Variants in DCHS2 observed in about 807,000 individuals in gnomAD.
The protein encoded by DCHS2 is dachsous cadherin-related 2.
DCHS2 carries 142 observed loss-of-function variants against 182.4 expected under a neutral mutation model. That is an observed-to-expected ratio of 0.78 (90% CI 0.68 to 0.89). The LOEUF is 0.89. Among genes scored for constraint, DCHS2 ranks in the 40% least tolerant of loss-of-function variants. The probability of loss-of-function intolerance (pLI) is 0.00; values close to 1 mark genes in which losing one functional copy is unlikely to be tolerated. For synonymous variants in DCHS2, 1,740 were observed against 1,663.3 expected (o/e 1.05, Z -1.12); for missense variants, 4,319 against 4,198.6 (o/e 1.03, Z -0.79).
chr4:154,386,832 G>A (rs572443297), intron 1 of DCHS2, among the ~76,000 whole-genome samples: 1 of 152,142 alleles, frequency 6.6e-6, no homozygotes, highest in Non-Finnish European at 1.5e-5. Context: ...GAACAAGATG[G>A]TTCGTGACAC....
At chr4:154,415,685 G>C (rs1173658618) in intron 1 of DCHS2, among the ~76,000 whole-genome samples, 1 of 152,136 alleles carries the variant, frequency 6.6e-6, no homozygotes, top group African/African-American at 2.4e-5. Context: ...GGTCCCGAGC[G>C]TCAGTAAGAT....
At position 154,343,699 on chromosome 4, in the gene DCHS2, G is replaced by T. The variant is rs868270250; in HGVS notation, c.2477-8595C>A. ...CTCTGGATTAGGCTTTGGCTTAAGG[G>T]AATGATGTGGCTGCTTTGATCTATC... On this transcript the variant is annotated intron_variant, in intron 3 of 19. Coordinates refer to ENST00000357232, the MANE Select transcript of DCHS2 (RefSeq NM_001358235.2). 4.4e-5 allele frequency: 58 copies of T among 1,330,476 alleles called. 6 individuals carry two copies. The Middle Eastern group carries it at 7.9e-3, about 181-fold the overall frequency. The allele number at this position is 1,330,476 out of a possible 1,614,324, so 82.4% of individuals were successfully genotyped here.
chr4:154,400,767 T>C (rs1181028996), intron 1 of DCHS2, among the ~76,000 whole-genome samples: 1 of 152,194 alleles, frequency 6.6e-6, no homozygotes, highest in Non-Finnish European at 1.5e-5. Flanking sequence ...CTCTCTCATG[T>C]AACGTTGCAC....
At chr4:154,275,499 T>C in intron 13 of DCHS2, among the ~76,000 whole-genome samples, 1 of 152,158 alleles carries the variant, frequency 6.6e-6, no homozygotes, top group East Asian at 1.9e-4. Flanking sequence ...TATAATCTGA[T>C]GCTTATTTTA....
chr4:154,373,993 T>G, intron 2 of DCHS2: 1 of 1,328,994 alleles, frequency 7.5e-7, no homozygotes, highest in Non-Finnish European at 1.0e-6. Context: ...GAGGTGGATA[T>G]TTTAATAGCA....
In DCHS2 at chr4:154,341,318, G is replaced by A. The variant is rs905064881; in HGVS notation, c.2477-6214C>T. 2.5e-4 allele frequency among the ~76,000 whole-genome samples: 37 copies of A among 147,530 alleles called. 1 individual carries two copies. Among genetic ancestry groups the A allele is most frequent in the African/African-American group, 7.6e-4 (30 of 39,726 alleles). On this transcript the variant is annotated intron_variant, in intron 3 of 19. Coordinates refer to ENST00000357232, the MANE Select transcript of DCHS2 (RefSeq NM_001358235.2). ...CGGGAAGTGGAGGCTGCAGTGAGCC[G>A]AGACCGCGCCACTGCACTCCAGCCT...
At chr4:154,328,947 G>A (rs1736402000) in intron 6 of DCHS2, among the ~76,000 whole-genome samples, 1 of 151,894 alleles carries the variant, frequency 6.6e-6, no homozygotes, top group Non-Finnish European at 1.5e-5. Context: ...TTATTAGTAG[G>A]TCCAAACATA....
rs1731214486 is a variant in DCHS2 at position 154,231,752 on chromosome 4, G to A, written c.*2784C>T. 6.6e-6 allele frequency: 1 copy of A among 152,104 alleles called. No homozygotes were observed. Among genetic ancestry groups the A allele is most frequent in the African/African-American group, 2.4e-5 (1 of 41,426 alleles). The allele number at this position is 152,104 out of a possible 1,614,324, so 9.4% of individuals were successfully genotyped here. A position where few individuals can be genotyped will look rare whatever the true frequency, so the allele number is the denominator to read the frequency against. ...GGAGGGCTAAAGGTGAAGGTGCTGA[G>A]AAACACAAATCCTGTCTCAACTGGA... On this transcript the variant is annotated 3_prime_UTR_variant, in exon 20 of 20. Transcript: ENST00000357232.
chr4:154,370,054 G>C (rs1305650534), intron 2 of DCHS2, among the ~76,000 whole-genome samples: 1 of 152,088 alleles, frequency 6.6e-6, no homozygotes, highest in African/African-American at 2.4e-5. Flanking sequence ...CTTGTGAGCT[G>C]TGGTTTCATT....
intron 1 of DCHS2, 97 bp from the exon 2 acceptor site, chr4:154,377,541 C>T (rs758271317): frequency 4.3e-6 from 4 of 921,080 alleles, no homozygotes; most frequent in Non-Finnish European, 6.4e-6. Flanking sequence ...ACCACATAAC[C>T]CCCATAGCTA....
intron 1 of DCHS2, among the ~76,000 whole-genome samples, chr4:154,469,974 C>T (rs1735393431): frequency 6.6e-6 from 1 of 152,140 alleles, no homozygotes; most frequent in African/African-American, 2.4e-5. Flanking sequence ...TCTGTCTTCT[C>T]CCACAAGAAA....
At chr4:154,266,775 A>G (rs528642359) in intron 14 of DCHS2, among the ~76,000 whole-genome samples, 1 of 152,208 alleles carries the variant, frequency 6.6e-6, no homozygotes, top group African/African-American at 2.4e-5. Flanking sequence ...TGTATTCTAT[A>G]ATTTTGTCTT....
In DCHS2 at chr4:154,491,506, C is replaced by A; in HGVS notation, c.-151G>T. On this transcript the variant is annotated 5_prime_UTR_variant, in exon 1 of 20. It removes an upstream start codon present in the reference 5' UTR. Coordinates refer to ENST00000357232, the MANE Select transcript of DCHS2 (RefSeq NM_001358235.2). ...GACGGCCCAGGAATTCCCGAGGTTACATCTGCAACTGGTGAAAGCGTCCTC... is the reference window on the plus strand; with the variant it reads ...GACGGCCCAGGAATTCCCGAGGTTAAATCTGCAACTGGTGAAAGCGTCCTC... 7.1e-7 allele frequency: 1 copy of A among 1,401,328 alleles called. No homozygotes were observed. 86.8% of individuals were successfully genotyped at this position (1,401,328 alleles called of 1,614,324 possible). A position where few individuals can be genotyped will look rare whatever the true frequency, so the allele number is the denominator to read the frequency against.
intron 12 of DCHS2, among the ~76,000 whole-genome samples, chr4:154,300,529 GT>G (rs1735156283): frequency 9.5e-6 from 1 of 105,062 alleles, no homozygotes; most frequent in Non-Finnish European, 2.0e-5. Flanking sequence ...AAAAAAAAAA[GT>G]TTTTAAGTTA....
intron 1 of DCHS2, among the ~76,000 whole-genome samples, chr4:154,447,397 T>G (rs1200160241): frequency 1.3e-5 from 2 of 152,230 alleles, no homozygotes; most frequent in East Asian, 3.8e-4. Flanking sequence ...TTTGCCTCTA[T>G]GTTGCTGCTG....
chr4:154,265,881 C>T (rs1218260613), intron 14 of DCHS2, among the ~76,000 whole-genome samples: 1 of 152,072 alleles, frequency 6.6e-6, no homozygotes, highest in Non-Finnish European at 1.5e-5. Flanking sequence ...CTGAGACCCC[C>T]CAGTGAATGT....
At chr4:154,391,976 A>G (rs1484051481) in intron 1 of DCHS2, among the ~76,000 whole-genome samples, 1 of 152,208 alleles carries the variant, frequency 6.6e-6, no homozygotes, top group Non-Finnish European at 1.5e-5. Context: ...TATACTATAT[A>G]CTATATACTA....
intron 3 of DCHS2, among the ~76,000 whole-genome samples, chr4:154,348,154 G>C (rs1729444572): frequency 1.3e-5 from 2 of 151,960 alleles, no homozygotes; most frequent in South Asian, 4.1e-4. Flanking sequence ...GACACAGATG[G>C]CTTAACTATT....
Position 154,284,965 on chromosome 4 carries a change from A to G in DCHS2, c.6463+12886T>C, listed in dbSNP as rs138901501. ...AGCACAGCTTATAACTCCAGGACAGACTCTTTCCTTCCACTTGAGCAGAGG... is the reference window on the plus strand; with the variant it reads ...AGCACAGCTTATAACTCCAGGACAGGCTCTTTCCTTCCACTTGAGCAGAGG... On this transcript the variant is annotated intron_variant, in intron 13 of 19. Coordinates refer to ENST00000357232, the MANE Select transcript of DCHS2 (RefSeq NM_001358235.2). 4.8e-4 allele frequency among the ~76,000 whole-genome samples: 73 copies of G among 151,980 alleles called. No individual in the cohort carries two copies. The East Asian group carries it at 0.014, about 29-fold the overall frequency.
Sources: allele counts gnomAD v4.1 joint callset (sites outside exome capture counted in the v4.1 genomes callset), GRCh38; gene constraint gnomAD v4.1.1; transcripts MANE v1.5; gene names NCBI Gene and HGNC (gene_info 2026-07-23, HGNC 2026-07-21).